Variants in NTRK3 observed in about 807,000 individuals in gnomAD.
NTRK3 encodes neurotrophic receptor tyrosine kinase 3.
NTRK3 carries 24 observed loss-of-function variants against 91.7 expected under a neutral mutation model. The observed-to-expected ratio is 0.26, with a 90% CI of 0.19 to 0.37. The LOEUF (loss-of-function observed/expected upper bound fraction) is 0.37. Ranked by LOEUF, NTRK3 falls within the 10% of genes least tolerant of loss-of-function variation. NTRK3 has a pLI of 1.00. For synonymous variants in NTRK3, 483 were observed against 404.0 expected (o/e 1.20, Z -2.34); for missense variants, 880 against 1,068.9 (o/e 0.82, Z 2.46).
chr15:87,874,062 T>G (rs2064889260), exon 19 of NTRK3: 1 of 229,190 alleles, frequency 4.4e-6, no homozygotes, highest in Non-Finnish European at 8.7e-6. Flanking sequence ...ATGGGGAAAT[T>G]AAGATACAGT....
rs370290296 is a variant in NTRK3 at position 88,232,621 on chromosome 15, C to T, written c.248+23285G>A. ...TCTAGACACTTGGCTGGAAAGGAAC[C>T]GGCTTCTGACAAGTTAATACCTCCA... On this transcript the variant is annotated intron_variant, in intron 3 of 18. Transcript: ENST00000394480. 2.6e-4 allele frequency among the ~76,000 whole-genome samples: 39 copies of T among 152,252 alleles called. No homozygotes were observed. The East Asian group carries it at 6.6e-3, about 26-fold the overall frequency.
In NTRK3 at chr15:87,872,105, C is replaced by T. The variant is rs985501784; in HGVS notation, c.*4830G>A. 1.4e-4 allele frequency: 30 copies of T among 221,848 alleles called. No individual in the cohort carries two copies. The East Asian group carries it at 2.0e-3, about 15-fold the overall frequency. The allele number at this position is 221,848 out of a possible 1,614,324, so 13.7% of individuals were successfully genotyped here. On this transcript the variant is annotated 3_prime_UTR_variant, in exon 19 of 19. Coordinates refer to ENST00000394480, the Ensembl canonical transcript of NTRK3. ...TCTAAGGCAAATGCCCTTGAGTCTTCTAGCAGGTTGGCTCCCTACCAAAGC... is the reference window on the plus strand; with the variant it reads ...TCTAAGGCAAATGCCCTTGAGTCTTTTAGCAGGTTGGCTCCCTACCAAAGC...
At chr15:88,184,961 C>T (rs1271318009) in intron 3 of NTRK3, among the ~76,000 whole-genome samples, 1 of 152,192 alleles carries the variant, frequency 6.6e-6, no homozygotes, top group Non-Finnish European at 1.5e-5. Context: ...AGAATGGGAA[C>T]CTGGCAGTGG....
chr15:87,909,329 C>G (rs573625768), intron 17 of NTRK3, among the ~76,000 whole-genome samples: 1 of 152,260 alleles, frequency 6.6e-6, no homozygotes, highest in South Asian at 2.1e-4. Context: ...AATGGCATTT[C>G]TCAAGTGCTT....
At chr15:88,125,247 A>C (rs2053161375) in intron 13 of NTRK3, among the ~76,000 whole-genome samples, 1 of 152,214 alleles carries the variant, frequency 6.6e-6, no homozygotes, top group Admixed American at 6.5e-5. Flanking sequence ...TCCATGCGCA[A>C]ACACTCCAAC....
At chr15:88,121,086 AATGT>A (rs1186780925) in intron 13 of NTRK3, among the ~76,000 whole-genome samples, 1 of 140,010 alleles carries the variant, frequency 7.1e-6, no homozygotes, top group Non-Finnish European at 1.6e-5. Flanking sequence ...GAGGCCAAAT[AATGT>A]ATGTATTTTT....
chr15:87,952,624 G>A (rs1384854424), intron 14 of NTRK3, among the ~76,000 whole-genome samples: 3 of 152,238 alleles, frequency 2.0e-5, no homozygotes, highest in East Asian at 1.9e-4. Context: ...CACCCTGTGC[G>A]CACTCCATTA....
At chr15:88,076,994 T>G (rs1175478982) in intron 13 of NTRK3, among the ~76,000 whole-genome samples, 2 of 152,042 alleles carry the variant, frequency 1.3e-5, no homozygotes, top group African/African-American at 4.8e-5. Flanking sequence ...CTCGGGAGGC[T>G]GAGGCATGAG....
At chr15:87,929,153 T>A (rs1372328628) in intron 17 of NTRK3, 38 bp downstream of exon 17, 1 of 1,614,068 alleles carries the variant, frequency 6.2e-7, no homozygotes, top group Non-Finnish European at 8.5e-7. Flanking sequence ...AGGCGCTAGC[T>A]CTGTGGCTGA....
At chr15:87,944,848 C>T (rs562836198) in intron 14 of NTRK3, among the ~76,000 whole-genome samples, 93 of 152,340 alleles carry the variant, frequency 6.1e-4, no homozygotes, top group African/African-American at 1.9e-3. Context: ...TGGGGAATGA[C>T]TGGAGTGAGC....
chr15:88,100,328 C>T (rs1384410750), intron 13 of NTRK3, among the ~76,000 whole-genome samples: 3 of 152,198 alleles, frequency 2.0e-5, no homozygotes, highest in African/African-American at 7.2e-5. Context: ...ATCCTCCCAA[C>T]ACCCCTGTTC....
At chr15:88,178,570 C>T (rs991035178) in intron 5 of NTRK3, among the ~76,000 whole-genome samples, 11 of 152,278 alleles carry the variant, frequency 7.2e-5, no homozygotes, top group East Asian at 3.9e-4. Context: ...TAACTTAGTC[C>T]GGCATCCAGA....
intron 3 of NTRK3, among the ~76,000 whole-genome samples, chr15:88,242,922 C>A (rs968808257): frequency 6.6e-6 from 1 of 152,238 alleles, no homozygotes; most frequent in Non-Finnish European, 1.5e-5. Flanking sequence ...GGAAGACAGT[C>A]CTTTGGAAAA....
chr15:88,123,918 A>G (rs1298933869), intron 13 of NTRK3, among the ~76,000 whole-genome samples: 1 of 152,190 alleles, frequency 6.6e-6, no homozygotes, highest in East Asian at 1.9e-4. Flanking sequence ...AGTCTATTCT[A>G]TCAGTAATTC....
At chr15:88,168,736 G>T (rs1199685061) in intron 5 of NTRK3, among the ~76,000 whole-genome samples, 1 of 109,082 alleles carries the variant, frequency 9.2e-6, no homozygotes, top group Non-Finnish European at 1.8e-5. Flanking sequence ...TACTCCTGGG[G>T]GAAGACTTGG....
intron 14 of NTRK3, among the ~76,000 whole-genome samples, chr15:87,990,492 G>A (rs2075202257): frequency 6.6e-6 from 1 of 151,978 alleles, no homozygotes; most frequent in Admixed American, 6.6e-5. Context: ...TTGTTTTGGG[G>A]CCCAGCCATG....
At chr15:88,089,337 T>C (rs779369182) in intron 13 of NTRK3, among the ~76,000 whole-genome samples, 1 of 152,200 alleles carries the variant, frequency 6.6e-6, no homozygotes, top group Non-Finnish European at 1.5e-5. Context: ...AACCATTCCA[T>C]TTCTAGAAAT....
At position 88,255,245 on chromosome 15, in the gene NTRK3, G is replaced by T. The variant is rs887201559; in HGVS notation, c.248+661C>A. On this transcript the variant is annotated intron_variant, in intron 3 of 18. Coordinates refer to ENST00000394480, the Ensembl canonical transcript of NTRK3. This position sits in a 1 kb window ranked among gnomAD's most constrained non-coding sequence, Gnocchi z 4.3. ...CCAGATGCAGATGAGGGTGGCAAAGGGGTGTCTCGGAAATGCCCAAAATGG... is the reference window on the plus strand; with the variant it reads ...CCAGATGCAGATGAGGGTGGCAAAGTGGTGTCTCGGAAATGCCCAAAATGG... Among the ~76,000 whole-genome samples the T allele has an allele frequency of 8.5e-5, 13 of 152,156 alleles. No individual in the cohort carries two copies. Among genetic ancestry groups the T allele is most frequent in the African/African-American group, 3.1e-4 (13 of 41,434 alleles).
At chr15:87,993,655 C>T (rs1596571752) in intron 14 of NTRK3, among the ~76,000 whole-genome samples, 1 of 152,190 alleles carries the variant, frequency 6.6e-6, no homozygotes, top group South Asian at 2.1e-4. Flanking sequence ...ATATATACTA[C>T]ACAGCTCCCA....
Sources: gnomAD v4.1 joint callset for allele counts (sites outside exome capture counted in the v4.1 genomes callset) on GRCh38, gnomAD v4.1.1 for gene constraint, Gnocchi (gnomAD v3.1) non-coding constraint, MANE v1.5 for transcripts, NCBI Gene and HGNC (gene_info 2026-07-23, HGNC 2026-07-21) for gene names.